Variants in DIAPH2 observed in about 807,000 individuals in gnomAD.
DIAPH2 encodes the protein diaphanous related formin 2.
DIAPH2 carries 35 observed loss-of-function variants against 92.7 expected under a neutral mutation model. That is an observed-to-expected ratio of 0.38 (90% CI 0.29 to 0.50). The LOEUF is 0.50. DIAPH2 is among the 20% of genes least tolerant of loss of function. The pLI, the probability that DIAPH2 is intolerant of heterozygous loss-of-function variation, is 0.94. For synonymous variants in DIAPH2, 301 were observed against 280.4 expected (o/e 1.07, Z -0.73); for missense variants, 701 against 819.5 (o/e 0.86, Z 1.77).
chrX:97,349,080 ATATT>A (rs2069186866), intron 24 of DIAPH2, among the ~76,000 whole-genome samples: 2 of 86,301 alleles, frequency 2.3e-5, no homozygotes, highest in African/African-American at 8.5e-5. Flanking sequence ...ATATATATAT[ATATT>A]TTTTTTTTTT....
At chrX:97,305,524 A>G (rs1445764442) in intron 23 of DIAPH2, among the ~76,000 whole-genome samples, 4 of 105,332 alleles carry the variant, frequency 3.8e-5, no homozygotes, top group Non-Finnish European at 7.8e-5. Flanking sequence ...AAAAACAACA[A>G]TAACAACAAA....
At chrX:97,221,793 T>A (rs2067927595) in intron 22 of DIAPH2, among the ~76,000 whole-genome samples, 1 of 111,807 alleles carries the variant, frequency 8.9e-6, no homozygotes, top group Non-Finnish European at 1.9e-5. Flanking sequence ...AAATTTTTTG[T>A]TCAAGTTTTC....
chrX:97,206,511 A>G (rs952461685), intron 22 of DIAPH2, among the ~76,000 whole-genome samples: 1 of 111,515 alleles, frequency 9.0e-6, no homozygotes, highest in African/African-American at 3.3e-5. Flanking sequence ...GGAGGTTAGT[A>G]GGGAAAATGG....
intron 25 of DIAPH2, among the ~76,000 whole-genome samples, chrX:97,423,069 A>G (rs189713101): frequency 1.7e-3 from 188 of 111,513 alleles, no homozygotes; most frequent in Non-Finnish European, 3.0e-3. Flanking sequence ...AGGCAAACCT[A>G]GGTGGATGCT....
At chrX:96,697,538 T>C (rs1166271161) in intron 1 of DIAPH2, among the ~76,000 whole-genome samples, 1 of 110,352 alleles carries the variant, frequency 9.1e-6, no homozygotes, top group Non-Finnish European at 1.9e-5. Context: ...CCCAGCTACC[T>C]GGGAGGCCGA....
At chrX:97,451,006 A>G (rs1307291901) in intron 26 of DIAPH2, among the ~76,000 whole-genome samples, 2 of 110,478 alleles carry the variant, frequency 1.8e-5, no homozygotes, top group African/African-American at 6.6e-5. Flanking sequence ...TTTGACGTTG[A>G]AACTTCAGGA....
At chrX:96,962,342 T>TATATATACAC (rs1569436483) in intron 16 of DIAPH2, among the ~76,000 whole-genome samples, 7 of 70,163 alleles carry the variant, frequency 1.0e-4, no homozygotes, top group African/African-American at 4.1e-4. Context: ...TATATACATA[T>TATATATACAC]ATATATATAC....
At chrX:96,994,036 G>A (rs1214139311) in intron 17 of DIAPH2, among the ~76,000 whole-genome samples, 1 of 111,511 alleles carries the variant, frequency 9.0e-6, no homozygotes, top group Non-Finnish European at 1.9e-5. Context: ...TGTAACCTAT[G>A]GGTAACCTTA....
intron 26 of DIAPH2, among the ~76,000 whole-genome samples, chrX:97,572,739 T>G (rs971741537): frequency 8.9e-6 from 1 of 112,081 alleles, no homozygotes; most frequent in African/African-American, 3.2e-5. Flanking sequence ...TTCTGAACAT[T>G]AACTATTTTA....
At position 97,386,070 on chromosome X, in the gene DIAPH2, G is replaced by A. The variant is rs992248683; in HGVS notation, c.3145+2026G>A. On this transcript the variant is annotated intron_variant, in intron 25 of 26. Coordinates refer to ENST00000324765, the MANE Select transcript of DIAPH2 (RefSeq NM_006729.5). ...TGGCTAATCTTCTAAAGTAATATCC[G>A]TACTGTTAAGTTTAGTCTTTGTACT... Among the ~76,000 whole-genome samples the A allele has an allele frequency of 1.3e-4, 14 of 111,790 alleles. No individual in the cohort carries two copies. The East Asian group carries it at 1.4e-3, about 11-fold the overall frequency.
chrX:96,689,050 GA>G (rs2063786035), intron 1 of DIAPH2, among the ~76,000 whole-genome samples: 1 of 110,231 alleles, frequency 9.1e-6, no homozygotes, highest in Middle Eastern at 4.6e-3. Flanking sequence ...GCTTGAGTAA[GA>G]AAAGGCTTAT....
chrX:97,306,714 C>T (rs2068750428), intron 23 of DIAPH2, among the ~76,000 whole-genome samples: 1 of 111,505 alleles, frequency 9.0e-6, no homozygotes, highest in African/African-American at 3.3e-5. Flanking sequence ...TTTTGGAGGG[C>T]CACAGTAACA....
chrX:96,871,469 C>CAAAA (rs34852539), intron 4 of DIAPH2, among the ~76,000 whole-genome samples: 543 of 28,600 alleles, frequency 0.019, 55 homozygotes, highest in African/African-American at 0.054. Flanking sequence ...GACTCCGTCT[C>CAAAA]AAAAAAAAAA....
At chrX:96,977,768 C>G (rs1009270046) in intron 17 of DIAPH2, among the ~76,000 whole-genome samples, 3 of 110,270 alleles carry the variant, frequency 2.7e-5, no homozygotes, top group African/African-American at 9.9e-5. Context: ...AGTGCAACCT[C>G]TGCCTCCCGG....
chrX:97,515,232 G>T lies in DIAPH2; in HGVS notation c.3242-84021G>T, dbSNP rs752567432. Among the ~76,000 whole-genome samples, 94 of 112,556 alleles carry T rather than the reference G, an allele frequency of 8.4e-4. 1 individual carries two copies. Among genetic ancestry groups the T allele is most frequent in the Admixed American group, 2.3e-3 (25 of 10,726 alleles). ...TCGTGGTGCACCGTTTTTTAAGCCCGTCGGAAAAGCGCAGTATTCGGGTGG... is the reference window on the plus strand; with the variant it reads ...TCGTGGTGCACCGTTTTTTAAGCCCTTCGGAAAAGCGCAGTATTCGGGTGG... On this transcript the variant is annotated intron_variant, in intron 26 of 26. Coordinates refer to ENST00000324765, the MANE Select transcript of DIAPH2 (RefSeq NM_006729.5).
intron 20 of DIAPH2, among the ~76,000 whole-genome samples, chrX:97,108,090 T>C (rs967487569): frequency 3.6e-5 from 4 of 110,931 alleles, no homozygotes; most frequent in Non-Finnish European, 7.6e-5. Flanking sequence ...AAATTCAAAT[T>C]ATATAAACAA....
At chrX:97,175,592 T>C (rs1288367255) in intron 22 of DIAPH2, among the ~76,000 whole-genome samples, 1 of 111,971 alleles carries the variant, frequency 8.9e-6, no homozygotes, top group Non-Finnish European at 1.9e-5. Flanking sequence ...AACTATATTA[T>C]TTGTAACATT....
At chrX:97,229,994 G>A (rs773490004) in intron 22 of DIAPH2, among the ~76,000 whole-genome samples, 18 of 108,873 alleles carry the variant, frequency 1.7e-4, no homozygotes, top group African/African-American at 5.3e-4. Flanking sequence ...AAAAAAACGC[G>A]TTTATAGAGA....
chrX:96,768,767 G>T (rs1428453176), intron 4 of DIAPH2, among the ~76,000 whole-genome samples: 1 of 111,544 alleles, frequency 9.0e-6, no homozygotes, highest in Non-Finnish European at 1.9e-5. Context: ...TGTGCATGGA[G>T]TGGGGTGAAC....
Sources: allele counts gnomAD v4.1 joint callset (sites outside exome capture counted in the v4.1 genomes callset), GRCh38; gene constraint gnomAD v4.1.1; transcripts MANE v1.5; gene names NCBI Gene and HGNC (gene_info 2026-07-23, HGNC 2026-07-21).